NTRK2: variants seen among roughly 807,000 people sequenced by gnomAD.
NTRK2 encodes neurotrophic receptor tyrosine kinase 2, also known as BDNF/NT-3 growth factors receptor.
NTRK2 carries 13 observed loss-of-function variants against 94.5 expected under a neutral mutation model. The observed-to-expected ratio is 0.14, with a 90% CI of 0.09 to 0.22. NTRK2 has a LOEUF of 0.22. Ranked by LOEUF, NTRK2 falls within the 10% of genes least tolerant of loss-of-function variation. The pLI, the probability that NTRK2 is intolerant of heterozygous loss-of-function variation, is 1.00. For missense variants in NTRK2, 639 were observed against 1,071.2 expected, an observed-to-expected ratio of 0.60 and a Z score of 5.63; for synonymous variants, 372 against 407.4, an observed-to-expected ratio of 0.91 and a Z score of 1.05.
chr9:84,920,301 G>C (rs1230619253), intron 14 of NTRK2, among the ~76,000 whole-genome samples: 2 of 152,164 alleles, frequency 1.3e-5, no homozygotes, highest in Admixed American at 1.3e-4. Context: ...TCAATGTTAG[G>C]TCCTCACTTT....
chr9:84,692,839 G>A (rs2131569630), intron 2 of NTRK2, among the ~76,000 whole-genome samples: 1 of 141,908 alleles, frequency 7.0e-6, no homozygotes, highest in South Asian at 2.3e-4. Flanking sequence ...AGATTGCTAT[G>A]CATGGGAGCT....
Position 85,021,451 on chromosome 9 carries a change from A to G in NTRK2, c.*14A>G. On this transcript the variant is annotated 3_prime_UTR_variant, in exon 19 of 19. Transcript: ENST00000277120. Reference sequence around the variant, plus strand: ...ATTCTAGGCTAGGGCCCTTTTCCCCAGACCGATCCTTCCCAACGTACTCCT... The same window carrying G: ...ATTCTAGGCTAGGGCCCTTTTCCCCGGACCGATCCTTCCCAACGTACTCCT... 6.2e-7 allele frequency: 1 copy of G among 1,613,876 alleles called. No individual in the cohort carries two copies. The highest frequency in any genetic ancestry group is 1.7e-4 in the Middle Eastern group (1 of 6,046).
chr9:84,669,144 T>C (rs749873159), upstream of NTRK2, among the ~76,000 whole-genome samples: 1 of 152,044 alleles, frequency 6.6e-6, no homozygotes, highest in Non-Finnish European at 1.5e-5. This position sits in a 1 kb window ranked among gnomAD's most constrained non-coding sequence, Gnocchi z 4.1. Context: ...ATGGGGGCGG[T>C]GATCCTTGGT....
At chr9:84,812,531 C>A in intron 12 of NTRK2, 1 of 1,047,136 alleles carries the variant, frequency 9.5e-7, no homozygotes, top group Non-Finnish European at 1.2e-6. Flanking sequence ...AGATTCCGAT[C>A]TTTCCCAAAG....
chr9:84,797,713 A>T (rs2069660162), intron 12 of NTRK2, among the ~76,000 whole-genome samples: 1 of 74,068 alleles, frequency 1.4e-5, no homozygotes, highest in Non-Finnish European at 2.4e-5. Flanking sequence ...ATACTATAAT[A>T]ATATATATAT....
intron 15 of NTRK2, among the ~76,000 whole-genome samples, chr9:84,940,183 G>A (rs2078357798): frequency 6.6e-6 from 1 of 152,196 alleles, no homozygotes; most frequent in Admixed American, 6.5e-5. Flanking sequence ...TTCCCTGGAA[G>A]AATATTAGAG....
chr9:84,701,977 T>G (rs1014385256), intron 2 of NTRK2, among the ~76,000 whole-genome samples, 182 bp from the exon 3 acceptor site: 3 of 152,122 alleles, frequency 2.0e-5, no homozygotes. Flanking sequence ...TGAAACCTGG[T>G]CAGTCATGGT....
chr9:84,772,432 G>A (rs2066645421), intron 12 of NTRK2, among the ~76,000 whole-genome samples: 1 of 152,088 alleles, frequency 6.6e-6, no homozygotes, highest in Non-Finnish European at 1.5e-5. Context: ...ATTTTTAGTA[G>A]AGGCAGGGTT....
At chr9:84,883,057 A>G (rs2076310800) in intron 14 of NTRK2, among the ~76,000 whole-genome samples, 2 of 152,208 alleles carry the variant, frequency 1.3e-5, no homozygotes, top group Admixed American at 6.5e-5. Flanking sequence ...ATGAGCCACC[A>G]CACCTGGCCT....
chr9:84,934,827 A>G (rs1320257168), intron 15 of NTRK2, among the ~76,000 whole-genome samples: 3 of 152,178 alleles, frequency 2.0e-5, no homozygotes, highest in Non-Finnish European at 4.4e-5. Flanking sequence ...GCTGGATGGC[A>G]TCTCCTGTGG....
At chr9:84,738,721 G>T (rs1400888898) in intron 9 of NTRK2, among the ~76,000 whole-genome samples, 1 of 152,132 alleles carries the variant, frequency 6.6e-6, no homozygotes, top group Non-Finnish European at 1.5e-5. Flanking sequence ...TATACTGAGA[G>T]GTGTTTATTT....
intron 12 of NTRK2, among the ~76,000 whole-genome samples, chr9:84,794,323 C>T (rs2069049913): frequency 6.6e-6 from 1 of 152,150 alleles, no homozygotes; most frequent in African/African-American, 2.4e-5. Flanking sequence ...GCCGTTGGTG[C>T]ATTTGCTTAT....
chr9:85,007,194 T>A (rs554698011), intron 17 of NTRK2, among the ~76,000 whole-genome samples: 1 of 152,384 alleles, frequency 6.6e-6, no homozygotes, highest in South Asian at 2.1e-4. Context: ...AACCTGCTTT[T>A]GGTGCCTAAG....
chr9:84,959,727 T>C (rs923678354), intron 17 of NTRK2, among the ~76,000 whole-genome samples: 1 of 152,216 alleles, frequency 6.6e-6, no homozygotes, highest in African/African-American at 2.4e-5. Context: ...CAGTCTTTTG[T>C]TTTTTTGTTT....
chr9:84,971,696 A>G (rs1171004226), intron 17 of NTRK2, among the ~76,000 whole-genome samples: 2 of 152,216 alleles, frequency 1.3e-5, no homozygotes, highest in Non-Finnish European at 2.9e-5. Context: ...GAGCTCTCAG[A>G]AAGAGGTAGG....
chr9:84,944,624 A>G (rs1245706394), intron 15 of NTRK2, among the ~76,000 whole-genome samples: 1 of 152,230 alleles, frequency 6.6e-6, no homozygotes, highest in Non-Finnish European at 1.5e-5. Flanking sequence ...TGGATCTGTG[A>G]AAAAACATTG....
chr9:84,981,291 T>C (rs1827577944), intron 17 of NTRK2, among the ~76,000 whole-genome samples: 1 of 150,956 alleles, frequency 6.6e-6, no homozygotes, highest in African/African-American at 2.4e-5. Context: ...TAGTAGAGAG[T>C]GGTTTTTGCC....
chr9:84,710,810 A>C lies in NTRK2; in HGVS notation c.583+19A>C. 1.2e-6 allele frequency: 2 copies of C among 1,613,420 alleles called. No individual in the cohort carries two copies. Among genetic ancestry groups the C allele is most frequent in the Non-Finnish European group, 1.7e-6 (2 of 1,179,370 alleles). On this transcript the variant is annotated intron_variant, in intron 6 of 18. Transcript: ENST00000277120. ...AATTGTGGTAATTTATTTTTAAATCAATGTGTTCTAGTTGCTATTAATTAT... is the reference window on the plus strand; with the variant it reads ...AATTGTGGTAATTTATTTTTAAATCCATGTGTTCTAGTTGCTATTAATTAT...
At chr9:84,781,652 C>T (rs966107856) in intron 12 of NTRK2, among the ~76,000 whole-genome samples, 1 of 152,146 alleles carries the variant, frequency 6.6e-6, no homozygotes, top group African/African-American at 2.4e-5. Flanking sequence ...AATATTTGCA[C>T]TGATTTGGGG....
Sources: allele counts gnomAD v4.1 joint callset (sites outside exome capture counted in the v4.1 genomes callset), GRCh38; gene constraint gnomAD v4.1.1; non-coding constraint Gnocchi (gnomAD v3.1); transcripts MANE v1.5; gene names NCBI Gene and HGNC (gene_info 2026-07-23, HGNC 2026-07-21).